The following FGD5 variants were observed in gnomAD, a reference collection of about 807,000 sequenced individuals.
FGD5 encodes FYVE, RhoGEF and PH domain containing 5.
Under a neutral mutation model 133.4 loss-of-function variants are expected in FGD5, and 28 were observed. The observed-to-expected ratio is 0.21, with a 90% CI of 0.16 to 0.29. FGD5 has a LOEUF of 0.29. Ranked by LOEUF, FGD5 falls within the 10% of genes least tolerant of loss-of-function variation. The pLI is 1.00. For missense variants in FGD5, 1,858 were observed against 1,895.2 expected, an observed-to-expected ratio of 0.98 and a Z score of 0.36; for synonymous variants, 810 against 776.5, an observed-to-expected ratio of 1.04 and a Z score of -0.72.
chr3:14,923,532 C>T (rs2038728303), intron 16 of FGD5, among the ~76,000 whole-genome samples: 2 of 151,978 alleles, frequency 1.3e-5, no homozygotes, highest in African/African-American at 4.8e-5. Context: ...ACTATATAAG[C>T]GTGGCAGCAG....
chr3:14,933,303 G>GC lies in FGD5; in HGVS notation c.*140dup. On this transcript the variant is annotated 3_prime_UTR_variant, in exon 20 of 20. Transcript: ENST00000285046. ...AGGCCTGACCTTTTTTGCTATAACC[G>GC]CCCCACCACTCCCCTGCCCTTGCCA... The GC allele has an allele frequency of 1.1e-6, 1 of 871,996 alleles. No individual in the cohort carries two copies. The highest frequency in any genetic ancestry group is 1.5e-5 in the South Asian group (1 of 68,792). The allele number at this position is 871,996 out of a possible 1,614,324, so 54.0% of individuals were successfully genotyped here.
At chr3:14,886,603 ACTGTAGGTGTACTTCCCTCCT>A (rs2037929044) in intron 4 of FGD5, among the ~76,000 whole-genome samples, 1 of 152,106 alleles carries the variant, frequency 6.6e-6, no homozygotes, top group South Asian at 2.1e-4. Flanking sequence ...AGGGTGACAC[ACTGTAGGTGTACTTCCCTCCT>A]CTGCACTCCC....
chr3:14,893,392 A>G (rs2125128851), intron 4 of FGD5, among the ~76,000 whole-genome samples: 1 of 152,264 alleles, frequency 6.6e-6, no homozygotes, highest in East Asian at 1.9e-4. Flanking sequence ...CACTCTGTCA[A>G]CCAGGTTGGA....
chr3:14,863,604 A>G (rs1277576797), intron 1 of FGD5, among the ~76,000 whole-genome samples: 5 of 152,232 alleles, frequency 3.3e-5, no homozygotes, highest in Admixed American at 3.3e-4. Context: ...AGAAGGTGAG[A>G]CAGGAATCCT....
chr3:14,898,950 AC>A, intron 7 of FGD5, 124 bp downstream of exon 7: 1 of 808,662 alleles, frequency 1.2e-6, no homozygotes, highest in Non-Finnish European at 2.0e-6. Context: ...GGGAAGGGTG[AC>A]CTCTGCCATC....
chr3:14,911,782 T>C lies in FGD5; in HGVS notation c.3405+853T>C, dbSNP rs564331624. Among the ~76,000 whole-genome samples the C allele has an allele frequency of 2.7e-5, 4 of 146,516 alleles. No individual in the cohort carries two copies. In the East Asian group the frequency reaches 8.0e-4, roughly 29 times the overall value. On this transcript the variant is annotated intron_variant, in intron 11 of 19. Transcript: ENST00000285046. ...GAGTTATGAGCGCGATATGGAGGGA[T>C]CTCGGGTGCCGTGGAAGCAAAGAGG...
chr3:14,912,297 C>T (rs1357539169), intron 11 of FGD5, among the ~76,000 whole-genome samples: 3 of 152,156 alleles, frequency 2.0e-5, no homozygotes, highest in Non-Finnish European at 4.4e-5. Flanking sequence ...CACTAGGTGA[C>T]CCAAGTCCAG....
Position 14,823,485 on chromosome 3 carries a change from A to G in FGD5, c.2525+1889A>G, listed in dbSNP as rs117026796. 6.0e-4 allele frequency among the ~76,000 whole-genome samples: 92 copies of G among 152,312 alleles called. 2 individuals carry two copies. The highest frequency in any genetic ancestry group is 5.4e-3 in the East Asian group (28 of 5,192). On this transcript the variant is annotated intron_variant, in intron 1 of 19. Coordinates refer to ENST00000285046, the MANE Select transcript of FGD5 (RefSeq NM_152536.4). ...GGGAGCTTATTTCATCTTTTTTACA[A>G]TAGCCCTTCAAAAATTGAAATCTGC...
chr3:14,899,848 A>G (rs1283407358), intron 7 of FGD5, among the ~76,000 whole-genome samples: 1 of 152,260 alleles, frequency 6.6e-6, no homozygotes, highest in Non-Finnish European at 1.5e-5. Context: ...CATTGGACAG[A>G]GATCTCAGTA....
intron 1 of FGD5, among the ~76,000 whole-genome samples, chr3:14,861,666 A>G (rs2037400079): frequency 1.3e-5 from 2 of 151,998 alleles, no homozygotes; most frequent in African/African-American, 2.4e-5. Context: ...GCTCTGACTC[A>G]TGGAAACCAC....
At chr3:14,898,508 T>A (rs992560274) in intron 6 of FGD5, among the ~76,000 whole-genome samples, 2 of 151,788 alleles carry the variant, frequency 1.3e-5, no homozygotes, top group Non-Finnish European at 2.9e-5. Context: ...AGGAGAGGCT[T>A]GATACTGAGT....
At chr3:14,844,525 G>C (rs1159398412) in intron 1 of FGD5, among the ~76,000 whole-genome samples, 1 of 151,708 alleles carries the variant, frequency 6.6e-6, no homozygotes, top group Admixed American at 6.6e-5. Context: ...TGACACTGCT[G>C]TGTTTGTGCA....
At chr3:14,919,818 G>A (rs1359494619) in intron 13 of FGD5, among the ~76,000 whole-genome samples, 1 of 152,086 alleles carries the variant, frequency 6.6e-6, no homozygotes, top group Non-Finnish European at 1.5e-5. Context: ...AGGAGCAAGG[G>A]TCTCTCTGGG....
chr3:14,821,015 G>A lies in FGD5; in HGVS notation c.1944G>A (p.Lys648=), dbSNP rs765008296. The A allele has an allele frequency of 3.7e-6, 6 of 1,613,828 alleles. No homozygotes were observed. In the African/African-American group the frequency reaches 6.7e-5, roughly 18 times the overall value. ...IESDSPDKYK[K]KKSSFKRFLA... is the part of the protein sequence containing the mutation. ...GCGACTCCCCGGACAAGTACAAGAA[G>A]AAGAAGTCATCCTTTAAGCGCTTCC... The change falls in exon 1 of 20, where the codon AAG becomes AAA. Residue 648 remains lysine (K), a synonymous_variant. Transcript: ENST00000285046.
intron 1 of FGD5, chr3:14,811,002 C>A (rs535716059): frequency 2.7e-6 from 2 of 741,098 alleles, no homozygotes; most frequent in South Asian, 1.2e-4. Context: ...TCGGCCTCGG[C>A]CAAAGCATGC....
intron 9 of FGD5, among the ~76,000 whole-genome samples, chr3:14,902,983 G>T (rs1369907101): frequency 6.6e-6 from 1 of 152,224 alleles, no homozygotes; most frequent in African/African-American, 2.4e-5. Flanking sequence ...GCCAGCTGTG[G>T]ACAGCTGCAC....
At chr3:14,887,094 C>CT (rs1267401601) in intron 4 of FGD5, among the ~76,000 whole-genome samples, 1 of 152,072 alleles carries the variant, frequency 6.6e-6, no homozygotes, top group Non-Finnish European at 1.5e-5. Flanking sequence ...CACTTTTTGT[C>CT]TATTGTTGAG....
chr3:14,815,651 G>A (rs1041841799), upstream of FGD5, among the ~76,000 whole-genome samples: 2 of 152,180 alleles, frequency 1.3e-5, no homozygotes, highest in East Asian at 1.9e-4. Flanking sequence ...AGCCCTGGAC[G>A]CAGCCTTACA....
rs758731769 is a variant in FGD5 at position 14,819,888 on chromosome 3, G to A, written c.817G>A (p.Glu273Lys). ...QEAETATDCP[E>K]VLEEGCEEAT... The stretch of plus-strand genomic sequence containing the variant: ...GGCAGAGACAGCCACAGACTGCCCT[G>A]AAGTTCTTGAGGAGGGATGTGAAGA... The change falls in exon 1 of 20, where the codon GAA (glutamate) becomes AAA (lysine). Residue 273 changes from glutamate (E) to lysine (K), a missense_variant. Transcript: ENST00000285046. The surrounding 1 kb of genome is among the most constrained non-coding windows in gnomAD (Gnocchi z 4.1). The A allele has an allele frequency of 1.2e-6, 2 of 1,613,838 alleles. No homozygotes were observed. Among genetic ancestry groups the A allele is most frequent in the Non-Finnish European group, 8.5e-7 (1 of 1,179,836 alleles).
Sources: allele counts gnomAD v4.1 joint callset (sites outside exome capture counted in the v4.1 genomes callset), GRCh38; gene constraint gnomAD v4.1.1; non-coding constraint Gnocchi (gnomAD v3.1); transcripts MANE v1.5; gene names NCBI Gene and HGNC (gene_info 2026-07-23, HGNC 2026-07-21).